Variants in FAF1 observed in about 807,000 individuals in gnomAD.
The protein encoded by FAF1 is FAS-associated factor 1.
A neutral mutation model predicts 92.5 loss-of-function variants in FAF1; 25 were observed. The ratio of observed to expected loss-of-function variants is 0.27; its 90% CI spans 0.20 to 0.38. The LOEUF is 0.38. Among genes scored for constraint, FAF1 ranks in the 10% least tolerant of loss-of-function variants. FAF1 has a pLI of 1.00. For synonymous variants in FAF1, 234 were observed against 273.2 expected (o/e 0.86, Z 1.42); for missense variants, 636 against 793.3 (o/e 0.80, Z 2.38).
In FAF1 at chr1:50,584,725, T is replaced by C; in HGVS notation, c.927A>G (p.Val309=). The change falls in exon 10 of 19, where the codon GTA becomes GTG. Residue 309 remains valine (V), a synonymous_variant. Coordinates refer to ENST00000396153, the MANE Select transcript of FAF1 (RefSeq NM_007051.3). ...TCAAGGCAGATGACGCCATGCCAAA[T>C]ACTTCTCCATCATCCACCCCAAATT... ...ATEFGVDDGE[V]FGMASSALRK... The C allele has an allele frequency of 6.2e-7, 1 of 1,613,726 alleles. No individual in the cohort carries two copies. The highest frequency in any genetic ancestry group is 1.7e-4 in the Middle Eastern group (1 of 6,058).
intron 1 of FAF1, among the ~76,000 whole-genome samples, chr1:50,943,284 G>A (rs1645148349): frequency 6.6e-6 from 1 of 152,160 alleles, no homozygotes; most frequent in Admixed American, 6.5e-5. Context: ...TTTCAGAACT[G>A]ATTTCAACCA....
chr1:50,756,314 C>T (rs1357373422), intron 4 of FAF1, among the ~76,000 whole-genome samples: 2 of 152,174 alleles, frequency 1.3e-5, no homozygotes, highest in East Asian at 3.8e-4. Flanking sequence ...CAAAATGCTG[C>T]CAGCATCTTT....
At chr1:50,680,448 C>A (rs528863507) in intron 7 of FAF1, among the ~76,000 whole-genome samples, 1 of 151,956 alleles carries the variant, frequency 6.6e-6, no homozygotes. Context: ...TTTGGGAGGC[C>A]GAGGCAGGCA....
At position 50,889,949 on chromosome 1, in the gene FAF1, A is replaced by G. The variant is rs1353683521; in HGVS notation, c.46-31952T>C. Among the ~76,000 whole-genome samples the G allele has an allele frequency of 6.6e-5, 10 of 152,138 alleles. No homozygotes were observed. In the East Asian group the frequency reaches 7.7e-4, roughly 12 times the overall value. ...AACTTTCTGTCTCACTGATCTGTCTAATGTTGACAGTGGGGTGTTAAAGTC... is the reference window on the plus strand; with the variant it reads ...AACTTTCTGTCTCACTGATCTGTCTGATGTTGACAGTGGGGTGTTAAAGTC... On this transcript the variant is annotated intron_variant, in intron 1 of 18. Coordinates refer to ENST00000396153, the MANE Select transcript of FAF1 (RefSeq NM_007051.3).
chr1:50,734,258 T>A (rs1659047217), intron 6 of FAF1, among the ~76,000 whole-genome samples: 2 of 152,250 alleles, frequency 1.3e-5, no homozygotes. Flanking sequence ...AGTAATCATT[T>A]CTTCATTTCT....
chr1:50,526,919 A>C (rs1015793729), intron 15 of FAF1, among the ~76,000 whole-genome samples: 4 of 150,046 alleles, frequency 2.7e-5, no homozygotes, highest in African/African-American at 9.9e-5. Context: ...TAGTGGCGTG[A>C]TCTCGGCTCA....
intron 2 of FAF1, among the ~76,000 whole-genome samples, chr1:50,840,245 A>C (rs1249775997): frequency 1.3e-5 from 2 of 152,040 alleles, no homozygotes; most frequent in Non-Finnish European, 2.9e-5. Flanking sequence ...CAATAAAATA[A>C]TTCATAAATT....
chr1:50,856,932 T>C (rs1233692410), intron 2 of FAF1, among the ~76,000 whole-genome samples: 1 of 151,750 alleles, frequency 6.6e-6, no homozygotes, highest in East Asian at 1.9e-4. Flanking sequence ...ACAGAAGGTA[T>C]AAAACAATCT....
chr1:50,666,931 T>C (rs1322904518), intron 7 of FAF1, among the ~76,000 whole-genome samples: 1 of 152,222 alleles, frequency 6.6e-6, no homozygotes, highest in Non-Finnish European at 1.5e-5. Flanking sequence ...TGATCAACTA[T>C]GGGCAAAGCC....
chr1:50,537,467 C>A (rs914377833), intron 14 of FAF1, among the ~76,000 whole-genome samples: 1 of 152,106 alleles, frequency 6.6e-6, no homozygotes. Context: ...GACCCCTTTA[C>A]ACTGTTAAAA....
rs1651086079 is a variant in FAF1, at chr1:50,583,587, G to A, written c.1031+65C>T. 1.8e-5 allele frequency: 17 copies of A among 956,302 alleles called. No individual in the cohort carries two copies. Among genetic ancestry groups the A allele is most frequent in the East Asian group, 2.5e-5 (1 of 39,344 alleles). 59.2% of individuals were successfully genotyped at this position (956,302 alleles called of 1,614,324 possible). On this transcript the variant is annotated intron_variant, in intron 11 of 18. Coordinates refer to ENST00000396153, the MANE Select transcript of FAF1 (RefSeq NM_007051.3). The surrounding 1 kb of genome is among the most constrained non-coding windows in gnomAD (Gnocchi z 4.2). ...CTTTAAACAATCTATAATTAAAATT[G>A]CCCAAGAAAAATCACAGTAGCATAA...
chr1:50,828,292 G>A (rs191081484), intron 2 of FAF1, among the ~76,000 whole-genome samples: 279 of 149,004 alleles, frequency 1.9e-3, no homozygotes, highest in East Asian at 5.9e-3. Context: ...TTTTTGAGAC[G>A]GAGTCTCAGT....
chr1:50,676,132 C>CTT, intron 7 of FAF1, among the ~76,000 whole-genome samples: 1 of 152,324 alleles, frequency 6.6e-6, no homozygotes, highest in African/African-American at 2.4e-5. Flanking sequence ...TAGGGCCAGG[C>CTT]ACAGTGGCTC....
Position 50,933,822 on chromosome 1 carries a change from CAG to C in FAF1, c.45+25943_45+25944del, listed in dbSNP as rs1645066606. Among the ~76,000 whole-genome samples, 3 of 152,226 alleles carry C rather than the reference CAG, an allele frequency of 2.0e-5. No individual in the cohort carries two copies. The South Asian group carries it at 6.2e-4, about 32-fold the overall frequency. On this transcript the variant is annotated intron_variant, in intron 1 of 18. Coordinates refer to ENST00000396153, the MANE Select transcript of FAF1 (RefSeq NM_007051.3). ...ACCTCAGAATCATTGAGAATCATGACAGAAGTTTTACATGGCAACGGCAAGAG... is the reference window on the plus strand; with the variant it reads ...ACCTCAGAATCATTGAGAATCATGACAAGTTTTACATGGCAACGGCAAGAG...
At chr1:50,517,309 A>G (rs1408534978) in intron 15 of FAF1, among the ~76,000 whole-genome samples, 1 of 152,240 alleles carries the variant, frequency 6.6e-6, no homozygotes, top group Non-Finnish European at 1.5e-5. Flanking sequence ...AAGTAACAAC[A>G]CAAAAGGCCT....
At chr1:50,729,042 A>C (rs184221722) in intron 6 of FAF1, among the ~76,000 whole-genome samples, 5,138 of 67,660 alleles carry the variant, frequency 0.076, 143 homozygotes, top group African/African-American at 0.14. Context: ...ATCTATATAT[A>C]TATATATATA....
chr1:50,909,951 A>G (rs922454140), intron 1 of FAF1, among the ~76,000 whole-genome samples: 1 of 152,188 alleles, frequency 6.6e-6, no homozygotes, highest in Non-Finnish European at 1.5e-5. Flanking sequence ...CTGGAGGAGA[A>G]GAGGCACTCT....
chr1:50,472,418 CACACAAA>C (rs1646587051), intron 18 of FAF1, among the ~76,000 whole-genome samples: 2 of 140,542 alleles, frequency 1.4e-5, no homozygotes, highest in South Asian at 2.2e-4. Context: ...CACACACACA[CACACAAA>C]CCCCAAAACC....
chr1:50,869,189 C>G (rs375874982), intron 1 of FAF1, among the ~76,000 whole-genome samples: 224 of 152,244 alleles, frequency 1.5e-3, no homozygotes, highest in African/African-American at 5.1e-3. Flanking sequence ...ATATTGTCAT[C>G]TAGCTTTTCA....
Sources: allele counts gnomAD v4.1 joint callset (sites outside exome capture counted in the v4.1 genomes callset), GRCh38; gene constraint gnomAD v4.1.1; non-coding constraint Gnocchi (gnomAD v3.1); transcripts MANE v1.5; gene names NCBI Gene and HGNC (gene_info 2026-07-23, HGNC 2026-07-21).